ERICH1: variants seen among roughly 807,000 people sequenced by gnomAD.
ERICH1 encodes the protein glutamate-rich protein 1.
ERICH1 carries 56 observed loss-of-function variants against 39.6 expected under a neutral mutation model. The ratio of observed to expected loss-of-function variants is 1.41; its 90% confidence interval spans 1.14 to 1.77. ERICH1 has a LOEUF of 1.77. Ranked by LOEUF, ERICH1 falls within the 40% of genes most tolerant of loss-of-function variation. The probability of loss-of-function intolerance (pLI) is 0.00; values close to 1 mark genes in which losing one functional copy is unlikely to be tolerated. For synonymous variants in ERICH1, 313 were observed against 223.6 expected (o/e 1.40, Z -3.57); for missense variants, 826 against 575.4 (o/e 1.44, Z -4.45).
At chr8:671,222 C>T (rs1297847607) in intron 4 of ERICH1, among the ~76,000 whole-genome samples, 2 of 142,734 alleles carry the variant, frequency 1.4e-5, no homozygotes, top group African/African-American at 5.3e-5. Context: ...TCTGTGCCCA[C>T]TGGTCCCCAG....
chr8:671,460 C>T (rs76038488), intron 4 of ERICH1, among the ~76,000 whole-genome samples: 7 of 126,234 alleles, frequency 5.5e-5, no homozygotes, highest in Non-Finnish European at 9.9e-5. Context: ...CTCACTGGTC[C>T]CCAGGCTCCG....
At chr8:616,615 G>A (rs181124600) in intron 3 of ERICH1, 5 of 455,282 alleles carry the variant, frequency 1.1e-5, no homozygotes, top group Admixed American at 2.4e-5. Context: ...AAGAGTGAGT[G>A]GGGAGAGGGA....
At chr8:634,528 G>A (rs1798276139) in intron 3 of ERICH1, among the ~76,000 whole-genome samples, 1 of 152,194 alleles carries the variant, frequency 6.6e-6, no homozygotes, top group Non-Finnish European at 1.5e-5. Context: ...TGCTCAGGGC[G>A]GCCCCGTCGG....
chr8:711,327 T>G (rs1297363838), intron 2 of ERICH1, among the ~76,000 whole-genome samples: 1 of 152,166 alleles, frequency 6.6e-6, no homozygotes, highest in Non-Finnish European at 1.5e-5. Context: ...AGATTTTAAT[T>G]TTAATGATGT....
rs7827952 is a variant in ERICH1, at chr8:707,204, G to T, written c.169+8657C>A. ...CATCTGTGGCCAACTGATTTTTTTT[G>T]TTTCTTTTTTTTTTTTTTTTTTAGA... On this transcript the variant is annotated intron_variant, in intron 2 of 5. Coordinates refer to ENST00000262109, the MANE Select transcript of ERICH1 (RefSeq NM_207332.3). 1.8e-4 allele frequency among the ~76,000 whole-genome samples: 26 copies of T among 141,324 alleles called. 1 individual carries two copies. Among genetic ancestry groups the T allele is most frequent in the South Asian group, 4.5e-4 (2 of 4,428 alleles). The allele number at this position is 141,324 out of a possible 152,430, so 92.7% of individuals were successfully genotyped here.
At chr8:706,228 A>T (rs1813243099) in intron 2 of ERICH1, among the ~76,000 whole-genome samples, 1 of 152,236 alleles carries the variant, frequency 6.6e-6, no homozygotes, top group Admixed American at 6.5e-5. Context: ...CTGTACATAG[A>T]AAATCTAAGA....
intron 4 of ERICH1, among the ~76,000 whole-genome samples, chr8:671,277 G>T (rs572741621): frequency 2.3e-5 from 2 of 87,570 alleles, no homozygotes; most frequent in Non-Finnish European, 4.6e-5. Flanking sequence ...ACCACTGAGC[G>T]CGCTGGTCCC....
At chr8:685,575 A>G (rs139999903) in intron 3 of ERICH1, among the ~76,000 whole-genome samples, 3,011 of 152,290 alleles carry the variant, frequency 0.02, 94 homozygotes, top group African/African-American at 0.068. Flanking sequence ...ATGTTCAGAG[A>G]TTGCAATAAA....
At chr8:650,907 C>G (rs1799864148) in intron 3 of ERICH1, among the ~76,000 whole-genome samples, 1 of 152,174 alleles carries the variant, frequency 6.6e-6, no homozygotes, top group Non-Finnish European at 1.5e-5. Context: ...TTGAGTGTGA[C>G]TGAGAAATAG....
chr8:635,950 C>T (rs1359182960), intron 3 of ERICH1, among the ~76,000 whole-genome samples: 2 of 152,210 alleles, frequency 1.3e-5, no homozygotes, highest in African/African-American at 4.8e-5. Context: ...CCTCATCCTG[C>T]GAGCCGTTCA....
chr8:619,031 T>A (rs748736833), intron 3 of ERICH1, among the ~76,000 whole-genome samples: 1 of 152,064 alleles, frequency 6.6e-6, no homozygotes, highest in Non-Finnish European at 1.5e-5. Flanking sequence ...TAAATCTTAG[T>A]AACAACAGTG....
intron 3 of ERICH1, among the ~76,000 whole-genome samples, chr8:690,636 A>T (rs1808693984): frequency 6.6e-6 from 1 of 152,238 alleles, no homozygotes. Flanking sequence ...TGCCTGGGCG[A>T]CAAGGCCCTG....
At chr8:624,605 G>A (rs1246450435) in intron 3 of ERICH1, among the ~76,000 whole-genome samples, 1 of 152,172 alleles carries the variant, frequency 6.6e-6, no homozygotes, top group Non-Finnish European at 1.5e-5. Context: ...GGAGGTCTCA[G>A]GAAAGTCACA....
chr8:641,771 G>C (rs1014886850), intron 3 of ERICH1, among the ~76,000 whole-genome samples: 9 of 152,070 alleles, frequency 5.9e-5, no homozygotes, highest in Non-Finnish European at 1.0e-4. Flanking sequence ...GCTCATCTCA[G>C]ATGCCGCCTT....
At chr8:701,849 T>A (rs1279044353) in intron 2 of ERICH1, among the ~76,000 whole-genome samples, 1 of 151,948 alleles carries the variant, frequency 6.6e-6, no homozygotes, top group Non-Finnish European at 1.5e-5. Flanking sequence ...CCCAGCACTT[T>A]GGGAGGCTGA....
chr8:728,051 C>T (rs187869265), intron 1 of ERICH1, among the ~76,000 whole-genome samples: 1 of 152,328 alleles, frequency 6.6e-6, no homozygotes, highest in African/African-American at 2.4e-5. Context: ...CTCCCGCCTC[C>T]ATGAGGCTGT....
chr8:719,649 C>T lies in ERICH1; in HGVS notation c.23-3642G>A, dbSNP rs1249865675. 2.0e-5 allele frequency among the ~76,000 whole-genome samples: 3 copies of T among 152,216 alleles called. No individual in the cohort carries two copies. The East Asian group carries it at 5.8e-4, about 29-fold the overall frequency. On this transcript the variant is annotated intron_variant, in intron 1 of 5. Transcript: ENST00000262109. The stretch of plus-strand genomic sequence containing the variant: ...ATCCGCTGGTGGGTCCTGGCGGTGG[C>T]AGACGTCGCTGTGGGCTCCTCAGTG...
intron 1 of ERICH1, among the ~76,000 whole-genome samples, chr8:730,408 A>T (rs1184899559): frequency 1.3e-5 from 2 of 152,242 alleles, no homozygotes; most frequent in Non-Finnish European, 2.9e-5. Context: ...GAGAAGGAAA[A>T]AAATTCATCA....
At chr8:616,894 C>G (rs1367996537) in intron 3 of ERICH1, among the ~76,000 whole-genome samples, 4 of 10,652 alleles carry the variant, frequency 3.8e-4, no homozygotes, top group African/African-American at 2.8e-3. Context: ...CAGAGACACA[C>G]ACACACACAG....
Sources: allele counts gnomAD v4.1 joint callset (sites outside exome capture counted in the v4.1 genomes callset), GRCh38; gene constraint gnomAD v4.1.1; transcripts MANE v1.5; gene names NCBI Gene and HGNC (gene_info 2026-07-23, HGNC 2026-07-21).